DYNC2H1: variants seen among roughly 807,000 people sequenced by gnomAD.
DYNC2H1 encodes dynein cytoplasmic 2 heavy chain 1.
Under a neutral mutation model 570.0 loss-of-function variants are expected in DYNC2H1, and 410 were observed. That is an observed-to-expected ratio of 0.72 (90% CI 0.66 to 0.78). The LOEUF (loss-of-function observed/expected upper bound fraction) is 0.78, where lower values mean the gene tolerates loss of function less well. Ranked by LOEUF, DYNC2H1 falls within the 30% of genes least tolerant of loss-of-function variation. DYNC2H1 has a pLI of 0.00. For synonymous variants in DYNC2H1, 1,688 were observed against 1,677.6 expected, an observed-to-expected ratio of 1.01 and a Z score of -0.15; for missense variants, 4,865 against 5,046.4, an observed-to-expected ratio of 0.96 and a Z score of 1.09.
chr11:103,409,353 A>G (rs144366802), intron 84 of DYNC2H1, among the ~76,000 whole-genome samples: 5 of 152,138 alleles, frequency 3.3e-5, no homozygotes, highest in African/African-American at 9.6e-5. Flanking sequence ...TATTGCTTCT[A>G]TTAAGTAATA....
intron 82 of DYNC2H1, among the ~76,000 whole-genome samples, chr11:103,338,373 T>C (rs1278238177): frequency 6.6e-6 from 1 of 152,212 alleles, no homozygotes; most frequent in Non-Finnish European, 1.5e-5. Flanking sequence ...TGTGGTTCCA[T>C]ATAAATGTTA....
intron 79 of DYNC2H1, among the ~76,000 whole-genome samples, chr11:103,312,568 C>CAAAAAAA (rs1591561544): frequency 1.8e-4 from 6 of 32,488 alleles, no homozygotes; most frequent in Admixed American, 4.4e-4. Flanking sequence ...AAAAAAAAAC[C>CAAAAAAA]AATTGTAATG....
At position 103,254,681 on chromosome 11, in the gene DYNC2H1, T is replaced by C. The variant is rs1458817083; in HGVS notation, c.10207-734T>C. 1.3e-5 allele frequency among the ~76,000 whole-genome samples: 2 copies of C among 152,208 alleles called. No homozygotes were observed. Among genetic ancestry groups the C allele is most frequent in the African/African-American group, 4.8e-5 (2 of 41,456 alleles). On this transcript the variant is annotated intron_variant, in intron 66 of 88. Transcript: ENST00000375735. This position sits in a 1 kb window ranked among gnomAD's most constrained non-coding sequence, Gnocchi z 4.9. ...ATATCCTTGCCAACTCTGGTTGTTA[T>C]GTATCTTTTTAATTGTAGTCATTCT...
intron 82 of DYNC2H1, among the ~76,000 whole-genome samples, chr11:103,341,177 G>T (rs1939422403): frequency 6.6e-6 from 1 of 152,054 alleles, no homozygotes; most frequent in Non-Finnish European, 1.5e-5. Flanking sequence ...ACTTCTTTAT[G>T]GAATCGATTC....
chr11:103,363,389 G>A lies in DYNC2H1; in HGVS notation c.12156+5030G>A, dbSNP rs551914820. Among the ~76,000 whole-genome samples the A allele has an allele frequency of 2.6e-5, 4 of 152,222 alleles. No homozygotes were observed. The South Asian group carries it at 8.3e-4, about 32-fold the overall frequency. On this transcript the variant is annotated intron_variant, in intron 83 of 88. Transcript: ENST00000375735. The surrounding 1 kb of genome is among the most constrained non-coding windows in gnomAD (Gnocchi z 5.6). Reference sequence around the variant, plus strand: ...CTAGTGTGTTATTTCAACTGAGAGAGAATGTTTATCCAGCCACTCTAAAGA... The same window carrying A: ...CTAGTGTGTTATTTCAACTGAGAGAAAATGTTTATCCAGCCACTCTAAAGA...
At chr11:103,380,715 C>A (rs550103762) in intron 83 of DYNC2H1, among the ~76,000 whole-genome samples, 4 of 152,126 alleles carry the variant, frequency 2.6e-5, no homozygotes, top group African/African-American at 9.7e-5. Flanking sequence ...GTGCACGGCA[C>A]CAGCCTGGCT....
chr11:103,153,817 GAAAAATT>G (rs1434060546), intron 22 of DYNC2H1, among the ~76,000 whole-genome samples: 1 of 151,532 alleles, frequency 6.6e-6, no homozygotes, highest in East Asian at 1.9e-4. Flanking sequence ...ATAATTTTCA[GAAAAATT>G]ACTTTTAGTG....
intron 46 of DYNC2H1, 93 bp from the exon 47 acceptor site, chr11:103,192,004 A>G: frequency 9.9e-7 from 1 of 1,011,984 alleles, no homozygotes; most frequent in Non-Finnish European, 1.4e-6. Context: ...AAATTATGGT[A>G]TGTAGACACC....
At chr11:103,182,278 A>C (rs114955501) in intron 40 of DYNC2H1, among the ~76,000 whole-genome samples, 2 of 150,422 alleles carry the variant, frequency 1.3e-5, no homozygotes, top group African/African-American at 2.4e-5. Context: ...ATATACACCT[A>C]TATATACACA....
chr11:103,347,892 G>A (rs1043892562), intron 82 of DYNC2H1, among the ~76,000 whole-genome samples: 8 of 152,058 alleles, frequency 5.3e-5, no homozygotes, highest in Non-Finnish European at 1.2e-4. Flanking sequence ...TCTGGATAGG[G>A]AACTAGTGAA....
chr11:103,158,830 AT>A (rs767936594), intron 27 of DYNC2H1, 21 bp downstream of exon 27: 9 of 1,455,142 alleles, frequency 6.2e-6, no homozygotes, highest in Non-Finnish European at 9.2e-7. Context: ...TAAGAAAAAA[AT>A]ATATAATAAA....
chr11:103,363,739 C>T lies in DYNC2H1; in HGVS notation c.12156+5380C>T, dbSNP rs997802114. Among the ~76,000 whole-genome samples the T allele has an allele frequency of 3.3e-5, 5 of 152,148 alleles. No individual in the cohort carries two copies. The highest frequency in any genetic ancestry group is 7.2e-5 in the African/African-American group (3 of 41,456). On this transcript the variant is annotated intron_variant, in intron 83 of 88. Coordinates refer to ENST00000375735, the MANE Select transcript of DYNC2H1 (RefSeq NM_001377.3). The surrounding 1 kb of genome is among the most constrained non-coding windows in gnomAD (Gnocchi z 5.6). ...ATTAAGTCTACATTACTGATTGTGA[C>T]TAATAATTTAAGGCATCCAAAAGTG... is the stretch of plus-strand genomic sequence containing the variant.
intron 84 of DYNC2H1, chr11:103,408,270 C>A (rs1210339830): frequency 6.6e-6 from 1 of 151,830 alleles, no homozygotes; most frequent in African/African-American, 2.4e-5. Context: ...AGTGTTAGAT[C>A]CTTTGCGTAG....
chr11:103,206,838 T>A (rs943403122), intron 52 of DYNC2H1, among the ~76,000 whole-genome samples: 1 of 152,080 alleles, frequency 6.6e-6, no homozygotes. Flanking sequence ...TTGGAGACAA[T>A]GAATGTGGGT....
At chr11:103,132,375 G>C (rs1458507949) in intron 13 of DYNC2H1, among the ~76,000 whole-genome samples, 2 of 151,616 alleles carry the variant, frequency 1.3e-5, no homozygotes, top group Non-Finnish European at 2.9e-5. Context: ...GAGATTTTCT[G>C]TTTTTCACTA....
At chr11:103,149,983 C>T (rs540749674) in intron 20 of DYNC2H1, among the ~76,000 whole-genome samples, 8 of 152,210 alleles carry the variant, frequency 5.3e-5, no homozygotes, top group African/African-American at 1.9e-4. Flanking sequence ...ATTCCAAAAA[C>T]AATGAATAGC....
intron 85 of DYNC2H1, among the ~76,000 whole-genome samples, chr11:103,445,756 A>T (rs940008983): frequency 6.6e-6 from 1 of 152,112 alleles, no homozygotes; most frequent in Non-Finnish European, 1.5e-5. Context: ...GGTTCACGCC[A>T]TTCTCCTGCC....
chr11:103,307,475 A>T (rs7103012), intron 77 of DYNC2H1, among the ~76,000 whole-genome samples: 1 of 151,924 alleles, frequency 6.6e-6, no homozygotes, highest in Non-Finnish European at 1.5e-5. Context: ...CCAAGGTCAC[A>T]TAGCAGATTA....
chr11:103,392,205 G>A (rs974427452), intron 83 of DYNC2H1, among the ~76,000 whole-genome samples: 15 of 152,278 alleles, frequency 9.9e-5, no homozygotes, highest in East Asian at 3.9e-4. Flanking sequence ...AATGGCGGGC[G>A]CCCCTCCCCC....
Sources: allele counts gnomAD v4.1 joint callset (sites outside exome capture counted in the v4.1 genomes callset), GRCh38; gene constraint gnomAD v4.1.1; non-coding constraint Gnocchi (gnomAD v3.1); transcripts MANE v1.5; gene names NCBI Gene and HGNC (gene_info 2026-07-23, HGNC 2026-07-21).